Variants in CPEB3 observed in about 807,000 individuals in gnomAD.
CPEB3 encodes cytoplasmic polyadenylation element-binding protein 3.
In CPEB3, 20 loss-of-function variants were observed where a neutral mutation model predicts 67.2. The observed-to-expected ratio is 0.30, with a 90% CI of 0.21 to 0.43. CPEB3 has a LOEUF of 0.43. CPEB3 is among the 20% of genes least tolerant of loss of function. The pLI, the probability that CPEB3 is intolerant of heterozygous loss-of-function variation, is 1.00. For missense variants in CPEB3, 746 were observed against 968.6 expected, an observed-to-expected ratio of 0.77 and a Z score of 3.05; for synonymous variants, 376 against 393.1, an observed-to-expected ratio of 0.96 and a Z score of 0.51.
At position 92,185,161 on chromosome 10, in the gene CPEB3, G is replaced by A. The variant is rs576384109; in HGVS notation, c.1166-4142C>T. Among the ~76,000 whole-genome samples the A allele has an allele frequency of 4.6e-5, 7 of 152,306 alleles. 1 individual carries two copies. Among genetic ancestry groups the A allele is most frequent in the Admixed American group, 2.6e-4 (4 of 15,296 alleles). On this transcript the variant is annotated intron_variant, in intron 3 of 9. Coordinates refer to ENST00000265997, the MANE Select transcript of CPEB3 (RefSeq NM_014912.5). ...GATGATTTTTGTATAATGTAGTCTGGTGTTGCCAGCGTGACATTTCGTCAC... is the reference window on the plus strand; with the variant it reads ...GATGATTTTTGTATAATGTAGTCTGATGTTGCCAGCGTGACATTTCGTCAC...
chr10:92,157,838 T>G (rs1277121264), intron 4 of CPEB3, among the ~76,000 whole-genome samples: 1 of 152,156 alleles, frequency 6.6e-6, no homozygotes, highest in African/African-American at 2.4e-5. Flanking sequence ...ATATCTTTTT[T>G]ATAATTAAAA....
intron 1 of CPEB3, among the ~76,000 whole-genome samples, chr10:92,266,784 A>G (rs1233321904): frequency 1.3e-5 from 2 of 152,212 alleles, no homozygotes; most frequent in African/African-American, 4.8e-5. Flanking sequence ...CTGTAATCCC[A>G]GCACTTTGGG....
chr10:92,205,650 T>A (rs1450247959), intron 2 of CPEB3, among the ~76,000 whole-genome samples: 1 of 151,806 alleles, frequency 6.6e-6, no homozygotes, highest in African/African-American at 2.4e-5. Flanking sequence ...CTAATTTTTG[T>A]ATTTTTAGTA....
chr10:92,149,385 G>T (rs1846851034), intron 4 of CPEB3, among the ~76,000 whole-genome samples: 1 of 152,220 alleles, frequency 6.6e-6, no homozygotes, highest in Non-Finnish European at 1.5e-5. Flanking sequence ...GGTGGATGAG[G>T]TGAGAGTCTG....
chr10:92,238,625 C>T (rs1407246387), intron 2 of CPEB3, among the ~76,000 whole-genome samples: 1 of 80,966 alleles, frequency 1.2e-5, no homozygotes, highest in Non-Finnish European at 2.2e-5. Flanking sequence ...CTCTTACCTC[C>T]GAAAAAAAAA....
At chr10:92,233,217 A>G (rs1851357621) in intron 2 of CPEB3, among the ~76,000 whole-genome samples, 1 of 152,118 alleles carries the variant, frequency 6.6e-6, no homozygotes, top group Non-Finnish European at 1.5e-5. Flanking sequence ...TTACCTCCTG[A>G]AAAGATGGTC....
At chr10:92,107,489 T>C (rs1198568497) in intron 7 of CPEB3, among the ~76,000 whole-genome samples, 1 of 152,236 alleles carries the variant, frequency 6.6e-6, no homozygotes. Flanking sequence ...ATTACTCTTT[T>C]TCAGCCCCTA....
intron 7 of CPEB3, among the ~76,000 whole-genome samples, chr10:92,101,267 C>T (rs901800874): frequency 1.3e-5 from 2 of 152,200 alleles, no homozygotes; most frequent in Non-Finnish European, 2.9e-5. Context: ...TTCCCCCATA[C>T]TCTGATTTCT....
intron 7 of CPEB3, among the ~76,000 whole-genome samples, chr10:92,093,283 A>T (rs1843698796): frequency 6.6e-6 from 1 of 152,168 alleles, no homozygotes; most frequent in African/African-American, 2.4e-5. Context: ...TAGAAAACAA[A>T]AAAGTTGACT....
intron 2 of CPEB3, among the ~76,000 whole-genome samples, chr10:92,230,874 G>T (rs186811585): frequency 6.6e-6 from 1 of 152,196 alleles, no homozygotes; most frequent in Admixed American, 6.5e-5. Context: ...CAAAACTTGA[G>T]GCTCCATCCT....
intron 2 of CPEB3, among the ~76,000 whole-genome samples, chr10:92,207,326 G>A (rs1048513582): frequency 2.0e-5 from 3 of 152,072 alleles, no homozygotes; most frequent in Non-Finnish European, 4.4e-5. Flanking sequence ...ACTAGGCTGA[G>A]TAGAAAGATA....
At chr10:92,185,220 GT>G (rs1848632799) in intron 3 of CPEB3, among the ~76,000 whole-genome samples, 1 of 152,080 alleles carries the variant, frequency 6.6e-6, no homozygotes. Flanking sequence ...AATTGTTCTT[GT>G]CAGCTAGCTA....
At chr10:92,192,740 CAG>C in intron 2 of CPEB3, 104 bp from the exon 3 acceptor site, 1 of 772,506 alleles carries the variant, frequency 1.3e-6, no homozygotes, top group Non-Finnish European at 2.0e-6. Flanking sequence ...ATGAAAGTTA[CAG>C]AGAGCCCCAA....
chr10:92,156,441 A>G (rs1847212795), intron 4 of CPEB3, among the ~76,000 whole-genome samples: 1 of 152,186 alleles, frequency 6.6e-6, no homozygotes, highest in African/African-American at 2.4e-5. Flanking sequence ...TAGAAATGGA[A>G]CAGGAGAAAT....
chr10:92,084,899 G>C (rs1455328891), intron 8 of CPEB3, among the ~76,000 whole-genome samples: 1 of 152,122 alleles, frequency 6.6e-6, no homozygotes, highest in East Asian at 1.9e-4. Flanking sequence ...TTTAACTACA[G>C]AAAGTCTAAT....
chr10:92,170,934 T>C (rs962555177), intron 4 of CPEB3, among the ~76,000 whole-genome samples: 1 of 152,218 alleles, frequency 6.6e-6, no homozygotes, highest in Non-Finnish European at 1.5e-5. Context: ...ACTCAATTCC[T>C]ACACTGTTCA....
chr10:92,228,187 C>T (rs1851081192), intron 2 of CPEB3, among the ~76,000 whole-genome samples: 1 of 152,200 alleles, frequency 6.6e-6, no homozygotes, highest in African/African-American at 2.4e-5. Flanking sequence ...TGCACCCAGC[C>T]TATAATTGCT....
At chr10:92,249,983 C>T (rs956976120) in intron 1 of CPEB3, among the ~76,000 whole-genome samples, 79 of 149,300 alleles carry the variant, frequency 5.3e-4, no homozygotes, top group African/African-American at 1.8e-3. Flanking sequence ...GATCACACCA[C>T]TGCACTCCAG....
intron 9 of CPEB3, among the ~76,000 whole-genome samples, chr10:92,063,903 G>A (rs892807397): frequency 2.6e-5 from 4 of 151,992 alleles, no homozygotes; most frequent in Non-Finnish European, 5.9e-5. Context: ...GCAGTGAAGC[G>A]ATATAATTTA....
Sources: allele counts gnomAD v4.1 joint callset (sites outside exome capture counted in the v4.1 genomes callset), GRCh38; gene constraint gnomAD v4.1.1; transcripts MANE v1.5; gene names NCBI Gene and HGNC (gene_info 2026-07-23, HGNC 2026-07-21).